Variants in C1QTNF3 observed in about 807,000 individuals in gnomAD.
The protein encoded by C1QTNF3 is C1q and TNF related 3.
In C1QTNF3, 26 loss-of-function variants were observed where a neutral mutation model predicts 32.6. That is an observed-to-expected ratio of 0.80 (90% CI 0.58 to 1.11). C1QTNF3 has a LOEUF of 1.11. Among genes scored for constraint, C1QTNF3 ranks in the 50% least tolerant of loss-of-function variants. The probability of loss-of-function intolerance (pLI) is 0.00; values close to 1 mark genes in which losing one functional copy is unlikely to be tolerated. For missense variants in C1QTNF3, 362 were observed against 398.2 expected, an observed-to-expected ratio of 0.91 and a Z score of 0.77; for synonymous variants, 155 against 146.0, an observed-to-expected ratio of 1.06 and a Z score of -0.44.
the C1QTNF3 span, among the ~76,000 whole-genome samples, chr5:34,093,889 G>A: frequency 6.6e-6 from 1 of 152,160 alleles, no homozygotes; most frequent in Non-Finnish European, 1.5e-5. Context: ...CCACACCCAT[G>A]TCTCCTTTCT....
the C1QTNF3 span, among the ~76,000 whole-genome samples, chr5:34,176,574 T>C: frequency 6.6e-6 from 1 of 152,202 alleles, no homozygotes. Context: ...AAGGCTGAAC[T>C]ACACTAGAAG....
At chr5:34,048,289 TGAGAGA>T in the C1QTNF3 span, among the ~76,000 whole-genome samples, 19 of 141,166 alleles carry the variant, frequency 1.3e-4, no homozygotes, top group South Asian at 1.2e-3. Flanking sequence ...TGTGTGTGCA[TGAGAGA>T]GAGAGAGAGA....
At chr5:34,220,601 G>C in the C1QTNF3 span, among the ~76,000 whole-genome samples, 4 of 151,746 alleles carry the variant, frequency 2.6e-5, no homozygotes, top group Non-Finnish European at 5.9e-5. Context: ...TATGCAACTT[G>C]TGTACTTTCT....
the C1QTNF3 span, among the ~76,000 whole-genome samples, chr5:34,169,438 T>C: frequency 6.6e-6 from 1 of 152,106 alleles, no homozygotes; most frequent in Non-Finnish European, 1.5e-5. Flanking sequence ...GTTCAAATCC[T>C]TTGCCCATTT....
the C1QTNF3 span, among the ~76,000 whole-genome samples, chr5:34,241,292 T>C: frequency 5.5e-4 from 84 of 151,834 alleles, no homozygotes; most frequent in African/African-American, 1.9e-3. Context: ...GTCAGAGCAA[T>C]CTCGCAACAG....
chr5:34,084,909 G>C, the C1QTNF3 span, among the ~76,000 whole-genome samples: 3 of 144,158 alleles, frequency 2.1e-5, no homozygotes, highest in Non-Finnish European at 4.5e-5. Flanking sequence ...TTAAGTATTT[G>C]CCCATGCCTA....
chr5:34,023,000 C>T (rs553320699), intron 5 of C1QTNF3, among the ~76,000 whole-genome samples: 7 of 152,226 alleles, frequency 4.6e-5, no homozygotes, highest in African/African-American at 1.2e-4. Context: ...GGACTACAGG[C>T]GCCTGCCACC....
At chr5:34,117,169 A>C in the C1QTNF3 span, among the ~76,000 whole-genome samples, 1 of 152,000 alleles carries the variant, frequency 6.6e-6, no homozygotes, top group Admixed American at 6.6e-5. Flanking sequence ...TATATCCTTC[A>C]TGTGTCTTTG....
chr5:34,124,800 C>G, the C1QTNF3 span, among the ~76,000 whole-genome samples: 1 of 152,194 alleles, frequency 6.6e-6, no homozygotes, highest in Non-Finnish European at 1.5e-5. Flanking sequence ...TTTAAGTAAT[C>G]TGACCTATTT....
At chr5:34,173,586 T>A in the C1QTNF3 span, among the ~76,000 whole-genome samples, 39 of 117,814 alleles carry the variant, frequency 3.3e-4, no homozygotes, top group African/African-American at 1.3e-3. Flanking sequence ...TGACAAACAC[T>A]TTAAACCAAA....
upstream of C1QTNF3, among the ~76,000 whole-genome samples, chr5:34,046,236 G>C (rs1754984382): frequency 6.6e-6 from 1 of 152,122 alleles, no homozygotes; most frequent in African/African-American, 2.4e-5. Context: ...CACCCCTTGT[G>C]CTCCCTTGGT....
chr5:34,117,677 T>G, the C1QTNF3 span, among the ~76,000 whole-genome samples: 1 of 151,792 alleles, frequency 6.6e-6, no homozygotes, highest in South Asian at 2.1e-4. Context: ...GTGCCTGTAA[T>G]CCGAGCTACT....
At chr5:34,208,423 C>T in the C1QTNF3 span, among the ~76,000 whole-genome samples, 1 of 152,032 alleles carries the variant, frequency 6.6e-6, no homozygotes, top group South Asian at 2.1e-4. Flanking sequence ...CTATCGTGTA[C>T]ACTGTAAGAT....
At chr5:34,136,583 G>A in the C1QTNF3 span, among the ~76,000 whole-genome samples, 1 of 152,208 alleles carries the variant, frequency 6.6e-6, no homozygotes, top group Non-Finnish European at 1.5e-5. Flanking sequence ...ATGTGGAAGA[G>A]AGTGTGGTGA....
At chr5:34,242,585 C>G in the C1QTNF3 span, among the ~76,000 whole-genome samples, 2 of 152,080 alleles carry the variant, frequency 1.3e-5, no homozygotes, top group African/African-American at 4.8e-5. Context: ...AAATATTTTT[C>G]TCGACATTGG....
At chr5:34,230,856 A>G in the C1QTNF3 span, among the ~76,000 whole-genome samples, 699 of 152,326 alleles carry the variant, frequency 4.6e-3, 10 homozygotes, top group African/African-American at 0.016. Flanking sequence ...TTTTGCTTTT[A>G]TTAACATTGA....
chr5:34,163,381 T>C, the C1QTNF3 span, among the ~76,000 whole-genome samples: 2 of 152,062 alleles, frequency 1.3e-5, no homozygotes, highest in Non-Finnish European at 2.9e-5. Context: ...AGTCAATGTT[T>C]CTTTAAACTG....
chr5:34,228,998 T>A, the C1QTNF3 span, among the ~76,000 whole-genome samples: 1 of 151,962 alleles, frequency 6.6e-6, no homozygotes, highest in East Asian at 1.9e-4. Context: ...ATATGAAACT[T>A]CTGGGTTTAT....
chr5:34,035,785 G>A, intron 1 of C1QTNF3, 27 bp from the exon 2 acceptor site: 1 of 1,557,302 alleles, frequency 6.4e-7, no homozygotes, highest in Admixed American at 1.8e-5. Flanking sequence ...AGAAGCTTCA[G>A]AAAAAAAGGT....
Sources: allele counts gnomAD v4.1 joint callset (sites outside exome capture counted in the v4.1 genomes callset), GRCh38; gene constraint gnomAD v4.1.1; transcripts MANE v1.5; gene names NCBI Gene and HGNC (gene_info 2026-07-23, HGNC 2026-07-21).